Variants in LRRC49 observed in about 807,000 individuals in gnomAD.
LRRC49 encodes leucine rich repeat containing 49, also known as leucine-rich repeat-containing protein 49.
A neutral mutation model predicts 83.3 loss-of-function variants in LRRC49; 50 were observed. That is an observed-to-expected ratio of 0.60 (90% CI 0.48 to 0.76). The LOEUF is 0.76. LRRC49 is among the 30% of genes least tolerant of loss of function. The pLI, the probability that LRRC49 is intolerant of heterozygous loss-of-function variation, is 0.00. For synonymous variants in LRRC49, 286 were observed against 283.3 expected, an observed-to-expected ratio of 1.01 and a Z score of -0.10; for missense variants, 704 against 809.1, an observed-to-expected ratio of 0.87 and a Z score of 1.58.
Position 70,974,589 on chromosome 15 carries a change from A to G in LRRC49, c.922-5512A>G, listed in dbSNP as rs544710371. 2.7e-5 allele frequency among the ~76,000 whole-genome samples: 4 copies of G among 149,696 alleles called. No individual in the cohort carries two copies. In the South Asian group the frequency reaches 6.2e-4, roughly 23 times the overall value. On this transcript the variant is annotated intron_variant, in intron 9 of 15. Transcript: ENST00000260382. Reference sequence around the variant, plus strand: ...TCTTGGTATATTGGTTGATCAAATGAGAATCCAAAAGTATCTCCATAGTCT... The same window carrying G: ...TCTTGGTATATTGGTTGATCAAATGGGAATCCAAAAGTATCTCCATAGTCT...
chr15:70,853,851 C>G, intron 1 of LRRC49: 3 of 1,225,928 alleles, frequency 2.4e-6, no homozygotes, highest in Non-Finnish European at 3.1e-6. Flanking sequence ...CCCGGCGCCC[C>G]CTCGGGGCCC....
In LRRC49 at chr15:70,854,188, G is replaced by A. The variant is rs1049199935; in HGVS notation, c.-299+719G>A. 71 of 886,662 alleles carry A rather than the reference G, an allele frequency of 8.0e-5. No individual in the cohort carries two copies. In the Admixed American group the frequency reaches 9.3e-4, roughly 12 times the overall value. The allele number at this position is 886,662 out of a possible 1,614,324, so 54.9% of individuals were successfully genotyped here. A position where few individuals can be genotyped will look rare whatever the true frequency, so the allele number is the denominator to read the frequency against. ...GAGGGGGCGGGGGCGGTGCGAGCGCGCCTGCCGCTCGGCCCAGGGGAGGGA... is the reference window on the plus strand; with the variant it reads ...GAGGGGGCGGGGGCGGTGCGAGCGCACCTGCCGCTCGGCCCAGGGGAGGGA... On this transcript the variant is annotated intron_variant, in intron 1 of 16. Coordinates refer to the LRRC49 transcript ENST00000544974.
Position 70,985,514 on chromosome 15 carries a change from C to T in LRRC49, c.1169+1257C>T, listed in dbSNP as rs540085635. ...TTGTAAATGTGTTTGAGTTCATTGTCGATTCTGGATATTAGCCCTTTGTCA... is the reference window on the plus strand; with the variant it reads ...TTGTAAATGTGTTTGAGTTCATTGTTGATTCTGGATATTAGCCCTTTGTCA... On this transcript the variant is annotated intron_variant, in intron 11 of 15. Coordinates refer to ENST00000260382, the MANE Select transcript of LRRC49 (RefSeq NM_017691.5). 5.3e-5 allele frequency among the ~76,000 whole-genome samples: 8 copies of T among 151,948 alleles called. No individual in the cohort carries two copies. In the South Asian group the frequency reaches 6.2e-4, roughly 12 times the overall value.
At chr15:70,903,148 T>C (rs2034156293) in intron 4 of LRRC49, among the ~76,000 whole-genome samples, 1 of 152,112 alleles carries the variant, frequency 6.6e-6, no homozygotes, top group African/African-American at 2.4e-5. Flanking sequence ...AGAAAAAGAC[T>C]GAAGCAGGAA....
At chr15:70,925,496 T>G (rs140670790) in intron 7 of LRRC49, among the ~76,000 whole-genome samples, 1 of 152,238 alleles carries the variant, frequency 6.6e-6, no homozygotes, top group Non-Finnish European at 1.5e-5. Flanking sequence ...GCCTATCATG[T>G]GTCAAGCAAT....
rs2036704088 is a variant in LRRC49 at position 70,963,994 on chromosome 15, A to T, written c.921+62A>T. On this transcript the variant is annotated intron_variant, in intron 9 of 15. Transcript: ENST00000260382. ...CCTTAGTGTGGATTAGGAAATTGGG[A>T]TGCATATTCTTTGCTTGAAATGCTT... The T allele has an allele frequency of 3.3e-6, 5 of 1,501,590 alleles. No individual in the cohort carries two copies. In the African/African-American group the frequency reaches 4.2e-5, roughly 12 times the overall value. The allele number at this position is 1,501,590 out of a possible 1,614,324, so 93.0% of individuals were successfully genotyped here. A position where few individuals can be genotyped will look rare whatever the true frequency, so the allele number is the denominator to read the frequency against.
intron 8 of LRRC49, among the ~76,000 whole-genome samples, chr15:70,945,489 C>T (rs1322413772): frequency 6.7e-6 from 1 of 148,614 alleles, no homozygotes; most frequent in Admixed American, 6.7e-5. Context: ...CCCCTTAAAT[C>T]AACAATACAT....
chr15:71,017,455 CAGG>C lies in LRRC49; in HGVS notation c.1703+4545_1703+4547del, dbSNP rs1451736192. Reference sequence around the variant, plus strand: ...CATAAAGTGAAAATACATAAGCAGACAGGAGAATATATTTGCAGCATGTTTAAC... The same window carrying C: ...CATAAAGTGAAAATACATAAGCAGACAGAATATATTTGCAGCATGTTTAAC... On this transcript the variant is annotated intron_variant, in intron 14 of 15. Transcript: ENST00000260382. Among the ~76,000 whole-genome samples, 4 of 151,346 alleles carry C rather than the reference CAGG, an allele frequency of 2.6e-5. No homozygotes were observed. In the East Asian group the frequency reaches 7.8e-4, roughly 29 times the overall value.
chr15:71,009,973 A>G lies in LRRC49; in HGVS notation c.1574A>G (p.Gln525Arg), dbSNP rs1056278277. Residue 525 changes from glutamine (Q) to arginine (R), a missense_variant, in exon 13 of 16, where the codon CAG (glutamine) becomes CGG (arginine). Around this residue, in one of 3 missense-constraint regions of LRRC49, gnomAD observed 275 missense variants for 338.0 expected, o/e 0.81. Coordinates refer to ENST00000260382, the MANE Select transcript of LRRC49 (RefSeq NM_017691.5). ...VLFRLSHFSM[Q>R]KINGTEVTQN... ...TTTAGGCTAAGCCATTTCAGTATGC[A>G]GAAAATAAATGGAACAGAGGTAAGC... 28 of 1,597,368 alleles carry G rather than the reference A, an allele frequency of 1.8e-5. No individual in the cohort carries two copies. Among genetic ancestry groups the G allele is most frequent in the Non-Finnish European group, 2.4e-5 (28 of 1,171,324 alleles).
chr15:70,870,595 A>G (rs758780356), intron 1 of LRRC49, among the ~76,000 whole-genome samples: 1 of 152,182 alleles, frequency 6.6e-6, no homozygotes, highest in Admixed American at 6.5e-5. Context: ...GGTTCAAGCG[A>G]TTCTCCTGCC....
chr15:70,949,543 A>G (rs1596056612), intron 8 of LRRC49, among the ~76,000 whole-genome samples: 1 of 152,152 alleles, frequency 6.6e-6, no homozygotes, highest in Non-Finnish European at 1.5e-5. Flanking sequence ...CCATATCTTT[A>G]TGGGATTCCT....
chr15:70,889,149 T>C (rs1298044695), upstream of LRRC49, among the ~76,000 whole-genome samples: 1 of 152,240 alleles, frequency 6.6e-6, no homozygotes, highest in East Asian at 1.9e-4. Flanking sequence ...TTTATGGTAG[T>C]ATCACTTATG....
At chr15:70,940,108 G>C (rs1002412058) in intron 8 of LRRC49, among the ~76,000 whole-genome samples, 1 of 151,832 alleles carries the variant, frequency 6.6e-6, no homozygotes. Context: ...ATTTCAGCTT[G>C]ATAAGTCACC....
chr15:71,005,972 T>G (rs1240805370), intron 11 of LRRC49, among the ~76,000 whole-genome samples: 2 of 152,136 alleles, frequency 1.3e-5, no homozygotes, highest in African/African-American at 4.8e-5. Flanking sequence ...GACCAGAGTT[T>G]AAGGCTAAAC....
intron 8 of LRRC49, among the ~76,000 whole-genome samples, chr15:70,959,202 A>G (rs11072239): frequency 0.81 from 123,442 of 151,844 alleles, 50,546 homozygotes; most frequent in Admixed American, 0.86. Context: ...TTTAAAAAAT[A>G]AAAATCCCGG....
chr15:70,891,892 T>C (rs2033588442), upstream of LRRC49: 1 of 1,612,840 alleles, frequency 6.2e-7, no homozygotes, highest in African/African-American at 1.3e-5. Context: ...TACAGGAGAC[T>C]GGACCTGGGG....
chr15:70,949,654 T>A (rs1464756356), intron 8 of LRRC49, among the ~76,000 whole-genome samples: 1 of 152,190 alleles, frequency 6.6e-6, no homozygotes, highest in Non-Finnish European at 1.5e-5. Flanking sequence ...CACATGCTTC[T>A]GTATACTTTA....
At chr15:70,913,066 A>G in intron 6 of LRRC49, among the ~76,000 whole-genome samples, 1 of 152,036 alleles carries the variant, frequency 6.6e-6, no homozygotes, top group South Asian at 2.1e-4. Context: ...CCATTTAAAT[A>G]TTTGTCTTTG....
At chr15:70,859,794 A>C in intron 1 of LRRC49, 1 of 748,464 alleles carries the variant, frequency 1.3e-6, no homozygotes, top group Non-Finnish European at 2.5e-6. Context: ...GCCTCTCTGC[A>C]ATGGGCCAGG....
Sources: allele counts gnomAD v4.1 joint callset (sites outside exome capture counted in the v4.1 genomes callset), GRCh38; gene constraint gnomAD v4.1.1; regional missense constraint gnomAD v4.1.1; transcripts MANE v1.5; gene names NCBI Gene and HGNC (gene_info 2026-07-23, HGNC 2026-07-21).